ASB11: variants seen among roughly 807,000 people sequenced by gnomAD.
ASB11 encodes the protein ankyrin repeat and SOCS box protein 11.
ASB11 carries 17 observed loss-of-function variants against 20.1 expected under a neutral mutation model. That is an observed-to-expected ratio of 0.85 (90% CI 0.58 to 1.27). The LOEUF (loss-of-function observed/expected upper bound fraction) is 1.27. Among genes scored for constraint, ASB11 ranks in the 50% most tolerant of loss-of-function variants. ASB11 has a pLI of 0.00. For synonymous variants in ASB11, 107 were observed against 105.6 expected, an observed-to-expected ratio of 1.01 and a Z score of -0.08; for missense variants, 259 against 256.9, an observed-to-expected ratio of 1.01 and a Z score of -0.06.
At chrX:15,297,274 G>A (rs1272701068) in intron 3 of ASB11, among the ~76,000 whole-genome samples, 4 of 111,349 alleles carry the variant, frequency 3.6e-5, no homozygotes, top group Non-Finnish European at 7.5e-5. Context: ...GGGCGACAGA[G>A]TGAGACTCCG....
intron 1 of ASB11, among the ~76,000 whole-genome samples, chrX:15,303,010 G>A (rs185985281): frequency 2.7e-5 from 3 of 111,651 alleles, no homozygotes; most frequent in African/African-American, 3.3e-5. Context: ...TTGGTGGTGC[G>A]TGCCAAGAGA....
At chrX:15,295,337 G>C (rs1920957585) in intron 3 of ASB11, among the ~76,000 whole-genome samples, 1 of 111,967 alleles carries the variant, frequency 8.9e-6, no homozygotes, top group African/African-American at 3.2e-5. Flanking sequence ...CACTGTGCCT[G>C]GCCAAAAAGA....
chrX:15,309,597 A>G (rs1921355134), intron 1 of ASB11, among the ~76,000 whole-genome samples: 1 of 110,898 alleles, frequency 9.0e-6, no homozygotes, highest in Non-Finnish European at 1.9e-5. Flanking sequence ...CTTCCATGAA[A>G]CCAGTCCCTG....
intron 2 of ASB11, among the ~76,000 whole-genome samples, chrX:15,301,741 C>A (rs775688249): frequency 2.7e-5 from 3 of 112,562 alleles, no homozygotes; most frequent in Admixed American, 1.9e-4. Context: ...CAGGCCCCTA[C>A]TCATTTTTCA....
intron 2 of ASB11, among the ~76,000 whole-genome samples, chrX:15,300,118 G>GA (rs1320869286): frequency 8.9e-6 from 1 of 112,374 alleles, no homozygotes; most frequent in African/African-American, 3.2e-5. Context: ...GAGAAAATAA[G>GA]AAAAAACAGA....
chrX:15,294,620 C>T (rs1365267252), intron 3 of ASB11, among the ~76,000 whole-genome samples: 3 of 112,102 alleles, frequency 2.7e-5, no homozygotes, highest in Non-Finnish European at 5.6e-5. Flanking sequence ...ACCCTCCTGC[C>T]TCAGCCTGCC....
Position 15,302,762 on chromosome X carries a change from C to T in ASB11, c.227G>A (p.Gly76Glu), listed in dbSNP as rs761617786. Residue 76 changes from glycine to glutamate, a missense_variant, in exon 2 of 7, where the codon GGG (glycine) becomes GAG (glutamate). Coordinates refer to ENST00000480796, the MANE Select transcript of ASB11 (RefSeq NM_080873.3). ...TAAAGTTTTAAGGGCCAGTAAGCGC[C>T]CCTGAGCTGCAGCTTCATGAAGTGG... ...RSPLHEAAAQ[G>E]RLLALKTLIA... is the part of the protein sequence containing the mutation. 1.7e-5 allele frequency: 21 copies of T among 1,209,072 alleles called. No individual in the cohort carries two copies. The South Asian group carries it at 2.5e-4, about 14-fold the overall frequency.
intron 1 of ASB11, 30 bp from the exon 2 acceptor site, chrX:15,302,837 G>A: frequency 5.2e-6 from 6 of 1,161,628 alleles, no homozygotes; most frequent in Non-Finnish European, 7.0e-6. Context: ...CAAAGTCAAG[G>A]CCTGGAGACT....
At chrX:15,296,051 C>T (rs961668817) in intron 3 of ASB11, among the ~76,000 whole-genome samples, 4 of 111,954 alleles carry the variant, frequency 3.6e-5, no homozygotes, top group African/African-American at 9.7e-5. Flanking sequence ...AAACCAGCAT[C>T]GCTGGTTTCA....
chrX:15,283,987 T>C (rs975627703), intron 6 of ASB11, among the ~76,000 whole-genome samples: 1 of 110,991 alleles, frequency 9.0e-6, no homozygotes, highest in African/African-American at 3.3e-5. Flanking sequence ...GCACGGTGGC[T>C]CACGCCTGTA....
intron 1 of ASB11, among the ~76,000 whole-genome samples, chrX:15,303,469 G>GT (rs980310259): frequency 8.9e-6 from 1 of 112,078 alleles, no homozygotes; most frequent in Admixed American, 9.5e-5. Context: ...CAGTGAAAAT[G>GT]TTTTTTTCCC....
chrX:15,283,702 T>C, intron 6 of ASB11, 73 bp from the exon 7 acceptor site: 2 of 1,130,400 alleles, frequency 1.8e-6, no homozygotes, highest in East Asian at 6.0e-5. Context: ...ATCAGAGAAC[T>C]GGAAGAGGCG....
Position 15,289,557 on chromosome X carries a change from TATAGGGGAGTTCCG to T in ASB11, c.588_601del (p.Gly197CysfsTer52). 8.3e-7 allele frequency: 1 copy of T among 1,208,604 alleles called. No homozygotes were observed. Among genetic ancestry groups the T allele is most frequent in the South Asian group, 1.8e-5 (1 of 56,906 alleles). On this transcript the variant is annotated frameshift_variant, in exon 5 of 7. Coordinates refer to ENST00000480796, the MANE Select transcript of ASB11 (RefSeq NM_080873.3). LOFTEE classifies it high-confidence loss of function. ...TACCCTCTGGTAGGTGCAGGCCACA[TATAGGGGAGTTCCG>T]AGCTGAGGCACCTCATGGTCAATGT...
At chrX:15,287,709 A>G (rs1005399572) in intron 6 of ASB11, among the ~76,000 whole-genome samples, 172 bp downstream of exon 6, 1 of 112,915 alleles carries the variant, frequency 8.9e-6, no homozygotes, top group African/African-American at 3.2e-5. Context: ...TAGTGAATAT[A>G]CACAGCATAT....
Position 15,315,537 on chromosome X carries a change from G to A in ASB11, c.69C>T (p.Phe23=). 1 of 1,187,485 alleles carries A rather than the reference G, an allele frequency of 8.4e-7. No individual in the cohort carries two copies. The highest frequency in any genetic ancestry group is 1.1e-6 in the Non-Finnish European group (1 of 884,271). The change falls in exon 1 of 7, where the codon TTC becomes TTT. Residue 23 remains phenylalanine, a synonymous_variant. Coordinates refer to ENST00000480796, the MANE Select transcript of ASB11 (RefSeq NM_080873.3). Reference sequence around the variant, plus strand: ...AAAAAACTTTAATTAAAAGCTTAAAGAAAAAAAACGTAGCAAACATTGTAA... The same window carrying A: ...AAAAAACTTTAATTAAAAGCTTAAAAAAAAAAAACGTAGCAAACATTGTAA... ...IFITMFATFF[F]FKLLIKVFLA...
chrX:15,304,529 A>G (rs1021711057), intron 1 of ASB11, among the ~76,000 whole-genome samples: 1 of 112,190 alleles, frequency 8.9e-6, no homozygotes, highest in African/African-American at 3.2e-5. Context: ...CTCCTTAGAG[A>G]AATGTTGATC....
At chrX:15,283,694 C>G in intron 6 of ASB11, 65 bp from the exon 7 acceptor site, 2 of 1,156,136 alleles carry the variant, frequency 1.7e-6, no homozygotes, top group Non-Finnish European at 2.3e-6. Context: ...AGGGGGAAAT[C>G]AGAGAACTGG....
intron 1 of ASB11, among the ~76,000 whole-genome samples, chrX:15,312,122 T>C (rs1194895170): frequency 9.0e-6 from 1 of 110,570 alleles, no homozygotes; most frequent in Non-Finnish European, 1.9e-5. Flanking sequence ...ACATCTCTCC[T>C]GAGAAAGTGC....
chrX:15,312,089 C>T (rs1921444750), intron 1 of ASB11, among the ~76,000 whole-genome samples: 1 of 110,839 alleles, frequency 9.0e-6, no homozygotes, highest in African/African-American at 3.3e-5. Context: ...TACAAATTAG[C>T]AAAGCTTGAA....
Sources: allele counts gnomAD v4.1 joint callset (sites outside exome capture counted in the v4.1 genomes callset), GRCh38; gene constraint gnomAD v4.1.1; transcripts MANE v1.5; gene names NCBI Gene and HGNC (gene_info 2026-07-23, HGNC 2026-07-21).